Variants in NKAIN2 observed in about 807,000 individuals in gnomAD.
The protein encoded by NKAIN2 is sodium/potassium transporting ATPase interacting 2.
Under a neutral mutation model 32.6 loss-of-function variants are expected in NKAIN2, and 14 were observed. The ratio of observed to expected loss-of-function variants is 0.43; its 90% CI spans 0.28 to 0.67. The LOEUF (loss-of-function observed/expected upper bound fraction) is 0.67. NKAIN2 is among the 30% of genes least tolerant of loss of function. The probability of loss-of-function intolerance (pLI) is 0.17; values close to 1 mark genes in which losing one functional copy is unlikely to be tolerated. For synonymous variants in NKAIN2, 80 were observed against 87.2 expected (o/e 0.92, Z 0.46); for missense variants, 198 against 258.3 (o/e 0.77, Z 1.60).
intron 1 of NKAIN2, among the ~76,000 whole-genome samples, chr6:123,963,904 C>T (rs9784892): frequency 0.01 from 1,563 of 152,200 alleles, 27 homozygotes; most frequent in African/African-American, 0.035. Flanking sequence ...GCATTTTGGT[C>T]CCTGTATAAT....
intron 1 of NKAIN2, among the ~76,000 whole-genome samples, chr6:123,839,227 C>CAA (rs1200980541): frequency 2.4e-4 from 23 of 95,740 alleles, no homozygotes; most frequent in Non-Finnish European, 3.9e-4. Flanking sequence ...CTAAACACTC[C>CAA]AAAAAAAAAA....
chr6:124,400,275 A>C (rs1162724651), intron 3 of NKAIN2, among the ~76,000 whole-genome samples: 1 of 152,074 alleles, frequency 6.6e-6, no homozygotes, highest in Non-Finnish European at 1.5e-5. Flanking sequence ...TAAGTTGCCA[A>C]TTGATTTTAG....
intron 3 of NKAIN2, among the ~76,000 whole-genome samples, chr6:124,544,873 AT>A (rs958094898): frequency 1.3e-5 from 2 of 152,072 alleles, no homozygotes; most frequent in African/African-American, 2.4e-5. Flanking sequence ...TCCCCGGAAA[AT>A]TTTTTTGGGG....
chr6:124,606,982 T>A (rs1288970999), intron 3 of NKAIN2, among the ~76,000 whole-genome samples: 1 of 152,134 alleles, frequency 6.6e-6, no homozygotes, highest in East Asian at 1.9e-4. Flanking sequence ...TTCATCAATG[T>A]GAGTAAAGAT....
intron 2 of NKAIN2, among the ~76,000 whole-genome samples, 183 bp from the exon 3 acceptor site, chr6:124,355,079 AAAAGG>A (rs1287531617): frequency 6.6e-6 from 1 of 151,726 alleles, no homozygotes; most frequent in African/African-American, 2.4e-5. Context: ...TTAAAAAAAA[AAAAGG>A]AAAGAAGGAA....
At chr6:124,566,677 T>G (rs1295491665) in intron 3 of NKAIN2, among the ~76,000 whole-genome samples, 1 of 141,252 alleles carries the variant, frequency 7.1e-6, no homozygotes, top group Non-Finnish European at 1.5e-5. Context: ...CAAAGTTTCA[T>G]AAGACTCTAC....
intron 4 of NKAIN2, among the ~76,000 whole-genome samples, chr6:124,732,312 G>A (rs1286982817): frequency 6.6e-6 from 1 of 152,026 alleles, no homozygotes. Flanking sequence ...GTAAGGAATA[G>A]AGATACGGGC....
intron 2 of NKAIN2, among the ~76,000 whole-genome samples, chr6:124,294,422 A>G (rs1795960906): frequency 6.6e-6 from 1 of 152,084 alleles, no homozygotes; most frequent in African/African-American, 2.4e-5. Flanking sequence ...ATAATTATAA[A>G]CAATTATTTT....
intron 1 of NKAIN2, among the ~76,000 whole-genome samples, chr6:124,102,185 C>A (rs2114951466): frequency 6.6e-6 from 1 of 152,308 alleles, no homozygotes; most frequent in African/African-American, 2.4e-5. Context: ...AGGAAAAGGA[C>A]AACATGATGT....
chr6:124,389,737 GTGTGTGTGTGT>G (rs1192051083), intron 3 of NKAIN2, among the ~76,000 whole-genome samples: 127 of 151,670 alleles, frequency 8.4e-4, no homozygotes, highest in African/African-American at 2.8e-3. Flanking sequence ...GTGTGTGTGT[GTGTGTGTGTGT>G]GTGGGTTTGA....
At chr6:124,158,437 A>G (rs1788097262) in intron 1 of NKAIN2, among the ~76,000 whole-genome samples, 1 of 152,206 alleles carries the variant, frequency 6.6e-6, no homozygotes, top group African/African-American at 2.4e-5. Flanking sequence ...TAACACTGAA[A>G]AGTGGAACGA....
intron 3 of NKAIN2, among the ~76,000 whole-genome samples, chr6:124,563,569 A>C (rs138635254): frequency 6.6e-6 from 1 of 152,252 alleles, no homozygotes; most frequent in Non-Finnish European, 1.5e-5. Context: ...AATGCAATCA[A>C]GGTTGTGTTC....
chr6:124,017,802 C>T (rs929291697), intron 1 of NKAIN2, among the ~76,000 whole-genome samples: 6 of 151,956 alleles, frequency 3.9e-5, no homozygotes, highest in Non-Finnish European at 2.9e-5. Context: ...CGGCTGTTTT[C>T]CCAGCCTGGC....
At chr6:123,889,071 CT>C (rs1242827873) in intron 1 of NKAIN2, among the ~76,000 whole-genome samples, 1 of 152,116 alleles carries the variant, frequency 6.6e-6, no homozygotes, top group African/African-American at 2.4e-5. Context: ...ATTATTTTCT[CT>C]ATTTTAATGC....
chr6:124,580,685 C>A (rs933390582), intron 3 of NKAIN2, among the ~76,000 whole-genome samples: 4 of 152,068 alleles, frequency 2.6e-5, no homozygotes, highest in African/African-American at 7.2e-5. Context: ...TATAAAAGAA[C>A]TAAACTCTTC....
intron 2 of NKAIN2, among the ~76,000 whole-genome samples, chr6:124,285,784 G>A (rs1795511065): frequency 6.6e-6 from 1 of 152,012 alleles, no homozygotes; most frequent in African/African-American, 2.4e-5. Flanking sequence ...GCCTACTATT[G>A]GTTGAAAACC....
Position 124,523,014 on chromosome 6 carries a change from G to A in NKAIN2, c.274-135172G>A, listed in dbSNP as rs1312434776. Among the ~76,000 whole-genome samples, 5 of 131,398 alleles carry A rather than the reference G, an allele frequency of 3.8e-5. No homozygotes were observed. The South Asian group carries it at 8.4e-4, about 22-fold the overall frequency. The allele number at this position is 131,398 out of a possible 152,430, so 86.2% of individuals were successfully genotyped here. ...AAAAATTAGCCGGGCGTAGTGGCGG[G>A]CGCCTGTAGTCCCAGCTACTTGGGA... On this transcript the variant is annotated intron_variant, in intron 3 of 6. Transcript: ENST00000368417.
chr6:123,956,514 A>G (rs1394793877), intron 1 of NKAIN2, among the ~76,000 whole-genome samples: 1 of 152,126 alleles, frequency 6.6e-6, no homozygotes, highest in Non-Finnish European at 1.5e-5. Flanking sequence ...CTGAGGAGGG[A>G]GGTCTCACCA....
At chr6:123,939,651 T>C (rs981459459) in intron 1 of NKAIN2, among the ~76,000 whole-genome samples, 5 of 151,950 alleles carry the variant, frequency 3.3e-5, no homozygotes, top group Admixed American at 1.3e-4. Flanking sequence ...AAAAAAAAAG[T>C]TGTGATTGAC....
Sources: allele counts gnomAD v4.1 joint callset (sites outside exome capture counted in the v4.1 genomes callset), GRCh38; gene constraint gnomAD v4.1.1; transcripts MANE v1.5; gene names NCBI Gene and HGNC (gene_info 2026-07-23, HGNC 2026-07-21).